The following DCLK1 variants were observed in gnomAD, a reference collection of about 807,000 sequenced individuals.
The protein encoded by DCLK1 is serine/threonine-protein kinase DCLK1.
DCLK1 carries 16 observed loss-of-function variants against 86.2 expected under a neutral mutation model. That is an observed-to-expected ratio of 0.19 (90% CI 0.13 to 0.28). The LOEUF is 0.28. Among genes scored for constraint, DCLK1 ranks in the 10% least tolerant of loss-of-function variants. The pLI, the probability that DCLK1 is intolerant of heterozygous loss-of-function variation, is 1.00. For missense variants in DCLK1, 590 were observed against 940.2 expected, an observed-to-expected ratio of 0.63 and a Z score of 4.87; for synonymous variants, 369 against 370.5, an observed-to-expected ratio of 1.00 and a Z score of 0.05.
intron 4 of DCLK1, among the ~76,000 whole-genome samples, chr13:35,921,722 G>A (rs932707420): frequency 2.6e-5 from 4 of 152,148 alleles, no homozygotes; most frequent in African/African-American, 7.2e-5. Flanking sequence ...GGAATGAAGA[G>A]CGCTAAAGAA....
intron 3 of DCLK1, among the ~76,000 whole-genome samples, chr13:36,059,197 C>T (rs555375701): frequency 1.3e-5 from 2 of 152,240 alleles, no homozygotes; most frequent in Non-Finnish European, 2.9e-5. Context: ...ACAGAATTAG[C>T]GTCTGCGCCT....
At chr13:35,782,812 G>C (rs2086551794) in intron 16 of DCLK1, among the ~76,000 whole-genome samples, 13 of 152,204 alleles carry the variant, frequency 8.5e-5, no homozygotes, top group Admixed American at 8.5e-4. Context: ...TTTTAATTTA[G>C]ACATATTTTC....
intron 1 of DCLK1, 56 bp from the exon 2 acceptor site, chr13:36,126,212 TA>T (rs535178347): frequency 3.1e-6 from 4 of 1,304,166 alleles, no homozygotes; most frequent in African/African-American, 3.1e-5. Flanking sequence ...TATATATATA[TA>T]TATATTTTTT....
chr13:36,069,788 A>G (rs542388072), intron 3 of DCLK1, among the ~76,000 whole-genome samples: 25 of 152,314 alleles, frequency 1.6e-4, no homozygotes, highest in Admixed American at 3.3e-4. Context: ...GATAGTACTC[A>G]ACTTGTTAGG....
At chr13:35,846,750 G>A in intron 6 of DCLK1, 4 of 985,228 alleles carry the variant, frequency 4.1e-6, no homozygotes, top group Non-Finnish European at 4.8e-6. Flanking sequence ...TGCTAGCAAG[G>A]TTAATGCAAA....
In DCLK1 at chr13:35,828,458, A is replaced by C. The variant is rs1037152763; in HGVS notation, c.1230-151T>G. 34 of 669,594 alleles carry C rather than the reference A, an allele frequency of 5.1e-5. No homozygotes were observed. In the East Asian group the frequency reaches 9.3e-4, roughly 18 times the overall value. 41.5% of individuals were successfully genotyped at this position (669,594 alleles called of 1,614,324 possible). ...TTCCTTTCCTTTTTTAAAAAAAAAC[A>C]AATAAATATGTAAACGTTGATGGAC... On this transcript the variant is annotated intron_variant, in intron 8 of 16. Transcript: ENST00000360631.
chr13:35,946,253 C>G (rs1877377134), intron 4 of DCLK1, among the ~76,000 whole-genome samples: 1 of 152,214 alleles, frequency 6.6e-6, no homozygotes, highest in Non-Finnish European at 1.5e-5. Flanking sequence ...GTCTGCCCAC[C>G]TTGGCCTCCC....
chr13:35,958,815 C>T (rs951752060), intron 3 of DCLK1, among the ~76,000 whole-genome samples: 1 of 152,354 alleles, frequency 6.6e-6, no homozygotes, highest in Admixed American at 6.5e-5. Context: ...AAGACATTTA[C>T]ATGGCTTCCA....
intron 3 of DCLK1, among the ~76,000 whole-genome samples, chr13:35,997,951 G>A (rs973585866): frequency 6.6e-6 from 1 of 152,090 alleles, no homozygotes; most frequent in Non-Finnish European, 1.5e-5. Flanking sequence ...CACTAAGTGT[G>A]GTCAGCAGTT....
At chr13:36,031,483 G>A (rs997990137) in intron 3 of DCLK1, among the ~76,000 whole-genome samples, 56 of 152,294 alleles carry the variant, frequency 3.7e-4, no homozygotes, top group African/African-American at 1.3e-3. Context: ...ATGTGTGTAT[G>A]TGTTCGTACA....
Position 36,100,577 on chromosome 13 carries a change from G to A in DCLK1, c.723+11292C>T, listed in dbSNP as rs115348717. On this transcript the variant is annotated intron_variant, in intron 3 of 16. Transcript: ENST00000360631. Reference sequence around the variant, plus strand: ...TGTATACAGACCCCACTTATTTCTAGGGCTTATTATTTTTTCCCTAATTTA... The same window carrying A: ...TGTATACAGACCCCACTTATTTCTAAGGCTTATTATTTTTTCCCTAATTTA... Among the ~76,000 whole-genome samples the A allele has an allele frequency of 9.2e-3, 1,400 of 152,168 alleles. 16 individuals are homozygous for A. Among genetic ancestry groups the A allele is most frequent in the African/African-American group, 0.032 (1,328 of 41,514 alleles).
chr13:35,783,713 T>C (rs1327659288), intron 16 of DCLK1, among the ~76,000 whole-genome samples: 5 of 152,064 alleles, frequency 3.3e-5, no homozygotes, highest in African/African-American at 9.7e-5. Context: ...GCCTCCTGAG[T>C]TGCTGGGATT....
chr13:36,099,221 G>GC (rs1447044878), intron 3 of DCLK1, among the ~76,000 whole-genome samples: 1 of 152,150 alleles, frequency 6.6e-6, no homozygotes, highest in Non-Finnish European at 1.5e-5. Flanking sequence ...GCCTGCCTCG[G>GC]CCTCCCAAAG....
At chr13:35,847,573 C>T (rs1870270650) in intron 6 of DCLK1, 1 of 956,046 alleles carries the variant, frequency 1.0e-6, no homozygotes, top group Non-Finnish European at 1.2e-6. Context: ...TATATTCATT[C>T]ACTTTCATTA....
intron 3 of DCLK1, among the ~76,000 whole-genome samples, chr13:35,994,391 T>C (rs770348704): frequency 3.3e-5 from 5 of 152,176 alleles, no homozygotes; most frequent in African/African-American, 7.2e-5. Flanking sequence ...GTCAATCACA[T>C]TACAGCCCAC....
chr13:35,884,981 A>G (rs548607184), intron 4 of DCLK1, among the ~76,000 whole-genome samples: 19 of 152,288 alleles, frequency 1.2e-4, no homozygotes, highest in Admixed American at 7.2e-4. Context: ...TTGCAAGATG[A>G]GCCTGCCTTG....
At chr13:36,064,876 G>A (rs545954450) in intron 3 of DCLK1, among the ~76,000 whole-genome samples, 1 of 152,206 alleles carries the variant, frequency 6.6e-6, no homozygotes, top group Non-Finnish European at 1.5e-5. Context: ...AGGTCACCAT[G>A]CCATTACTTT....
chr13:35,946,792 A>G (rs1227264495), intron 4 of DCLK1, among the ~76,000 whole-genome samples: 1 of 152,222 alleles, frequency 6.6e-6, no homozygotes, highest in African/African-American at 2.4e-5. Context: ...TTCCTAAGAC[A>G]TGTATTTCCC....
rs372615088 is a variant in DCLK1, at chr13:35,960,498, C to T, written c.724-13041G>A. 2.6e-5 allele frequency among the ~76,000 whole-genome samples: 4 copies of T among 152,284 alleles called. No homozygotes were observed. In the South Asian group the frequency reaches 8.3e-4, roughly 32 times the overall value. On this transcript the variant is annotated intron_variant, in intron 3 of 16. Transcript: ENST00000360631. ...TTTTATTTATTCATTTGTTTGTTTA[C>T]TTTATTTTAAAGATGGGGTCTCTGT...
Sources: allele counts gnomAD v4.1 joint callset (sites outside exome capture counted in the v4.1 genomes callset), GRCh38; gene constraint gnomAD v4.1.1; transcripts MANE v1.5; gene names NCBI Gene and HGNC (gene_info 2026-07-23, HGNC 2026-07-21).